The following NUMB variants were observed in gnomAD, a reference collection of about 807,000 sequenced individuals.
NUMB encodes NUMB endocytic adaptor protein.
In NUMB, 29 loss-of-function variants were observed where a neutral mutation model predicts 59.7. The observed-to-expected ratio is 0.49, with a 90% CI of 0.36 to 0.66. The LOEUF is 0.66. Among genes scored for constraint, NUMB ranks in the 30% least tolerant of loss-of-function variants. NUMB has a pLI of 0.00. For missense variants in NUMB, 723 were observed against 822.0 expected (o/e 0.88, Z 1.47); for synonymous variants, 288 against 288.2 (o/e 1.00, Z 0.01).
intron 1 of NUMB, among the ~76,000 whole-genome samples, chr14:73,438,388 T>C (rs1364428270): frequency 6.6e-6 from 1 of 152,152 alleles, no homozygotes; most frequent in Admixed American, 6.6e-5. Flanking sequence ...CCCAGCACTT[T>C]GGGAGGCCGA....
At chr14:73,439,903 T>C (rs1233505939) in intron 1 of NUMB, among the ~76,000 whole-genome samples, 8 of 152,166 alleles carry the variant, frequency 5.3e-5, no homozygotes, top group African/African-American at 1.4e-4. Flanking sequence ...GGATGCCCAG[T>C]AGGCAGAGAA....
At position 73,277,151 on chromosome 14, in the gene NUMB, AGCAGCTGAGGCCTGGG is replaced by A; in HGVS notation, c.1367_1382del (p.Pro456LeufsTer132). 6.2e-7 allele frequency: 1 copy of A among 1,613,860 alleles called. No homozygotes were observed. The highest frequency in any genetic ancestry group is 1.1e-5 in the South Asian group (1 of 91,070). ...GAGGCTGGAGAACTGGCTGCAGAGG[AGCAGCTGAGGCCTGGG>A]GCTGCTGAGCCCGGACGCTCTTAGA... On this transcript the variant is annotated frameshift_variant, in exon 13 of 13. Coordinates refer to ENST00000555238, the MANE Select transcript of NUMB (RefSeq NM_001005743.2). LOFTEE classifies it high-confidence loss of function.
intron 6 of NUMB, among the ~76,000 whole-genome samples, chr14:73,313,824 T>TTGAGA (rs992245586): frequency 6.8e-6 from 1 of 146,668 alleles, no homozygotes; most frequent in Non-Finnish European, 1.5e-5. Flanking sequence ...CTTTTTTTTT[T>TTGAGA]TGAGATGGAA....
intron 2 of NUMB, among the ~76,000 whole-genome samples, chr14:73,395,053 G>A (rs962863176): frequency 8.6e-5 from 11 of 128,650 alleles, no homozygotes; most frequent in East Asian, 3.9e-4. Flanking sequence ...GTGTGTGTGT[G>A]TGTGTGTGTG....
intron 6 of NUMB, among the ~76,000 whole-genome samples, chr14:73,314,129 A>T (rs1031219787): frequency 4.6e-5 from 7 of 152,230 alleles, no homozygotes; most frequent in African/African-American, 1.7e-4. Context: ...TAAAAAAGAA[A>T]GTAAAAGTGA....
rs769897933 is a variant in NUMB at position 73,355,612 on chromosome 14, AC to A, written c.126+13del. ...CTTTTCCACATACAGACTTATAGAA[AC>A]ATCAGCTCTTACCTTAACCGGGAAG... On this transcript the variant is annotated intron_variant, in intron 4 of 12. Transcript: ENST00000555238. 3.1e-6 allele frequency: 5 copies of A among 1,606,092 alleles called. No homozygotes were observed. In the African/African-American group the frequency reaches 6.7e-5, roughly 22 times the overall value.
chr14:73,322,368 C>T (rs544871285), intron 5 of NUMB, among the ~76,000 whole-genome samples: 9 of 152,296 alleles, frequency 5.9e-5, no homozygotes, highest in Middle Eastern at 3.4e-3. Flanking sequence ...TGTGTTCTAT[C>T]GCATAACAGG....
chr14:73,443,614 T>G (rs923665294), intron 1 of NUMB, among the ~76,000 whole-genome samples: 15 of 142,770 alleles, frequency 1.1e-4, no homozygotes, highest in Non-Finnish European at 1.8e-4. Flanking sequence ...AAAAAAAAAG[T>G]AGAAAAAACA....
intron 1 of NUMB, among the ~76,000 whole-genome samples, chr14:73,413,332 G>A (rs942278809): frequency 6.0e-5 from 9 of 150,412 alleles, no homozygotes; most frequent in Admixed American, 2.0e-4. Flanking sequence ...TGATCCACCC[G>A]CCTCGGCCTT....
At chr14:73,305,035 G>A (rs1890348044) in intron 6 of NUMB, among the ~76,000 whole-genome samples, 1 of 152,144 alleles carries the variant, frequency 6.6e-6, no homozygotes, top group African/African-American at 2.4e-5. Context: ...CCAAAATGCT[G>A]GGATTACAGG....
intron 10 of NUMB, among the ~76,000 whole-genome samples, chr14:73,283,493 G>A (rs1393844600): frequency 6.6e-6 from 1 of 152,212 alleles, no homozygotes; most frequent in African/African-American, 2.4e-5. Context: ...TAGACCTATA[G>A]AGGCTGGCAT....
At chr14:73,401,412 A>T (rs1297185286) in intron 2 of NUMB, among the ~76,000 whole-genome samples, 2 of 152,104 alleles carry the variant, frequency 1.3e-5, no homozygotes, top group Non-Finnish European at 2.9e-5. Flanking sequence ...TAACAAAAAA[A>T]AAAACAGGGG....
At chr14:73,431,957 G>C (rs1009740339) in intron 1 of NUMB, among the ~76,000 whole-genome samples, 1 of 151,696 alleles carries the variant, frequency 6.6e-6, no homozygotes, top group African/African-American at 2.4e-5. Flanking sequence ...AAATTCCAAA[G>C]TAATTTAATT....
chr14:73,318,631 C>T (rs2139910003), intron 5 of NUMB, among the ~76,000 whole-genome samples: 1 of 152,300 alleles, frequency 6.6e-6, no homozygotes, highest in African/African-American at 2.4e-5. Context: ...CACCCTGTAG[C>T]TGATATGCCA....
intron 6 of NUMB, among the ~76,000 whole-genome samples, chr14:73,305,949 T>C (rs1206458580): frequency 6.6e-6 from 1 of 152,062 alleles, no homozygotes; most frequent in Non-Finnish European, 1.5e-5. Context: ...CATTGCTTTT[T>C]AAATCAGAAA....
At chr14:73,361,305 C>G (rs972461636) in intron 3 of NUMB, among the ~76,000 whole-genome samples, 1 of 152,140 alleles carries the variant, frequency 6.6e-6, no homozygotes, top group African/African-American at 2.4e-5. Context: ...TGGCTTCTGT[C>G]CTTTCTATCC....
chr14:73,438,560 G>A (rs1169365652), intron 1 of NUMB, among the ~76,000 whole-genome samples: 1 of 150,836 alleles, frequency 6.6e-6, no homozygotes, highest in Non-Finnish European at 1.5e-5. Flanking sequence ...GACCCCGGGA[G>A]GCAGAGATTA....
intron 4 of NUMB, among the ~76,000 whole-genome samples, chr14:73,326,774 T>G (rs1891684915): frequency 6.6e-6 from 1 of 152,238 alleles, no homozygotes; most frequent in African/African-American, 2.4e-5. Flanking sequence ...CATTTACTGA[T>G]TACCTACTGT....
intron 6 of NUMB, among the ~76,000 whole-genome samples, chr14:73,312,399 A>C (rs1411532892): frequency 6.6e-6 from 1 of 151,866 alleles, no homozygotes; most frequent in Non-Finnish European, 1.5e-5. Context: ...ACAACAACAA[A>C]AAGTAGGCAT....
Sources: gnomAD v4.1 joint callset for allele counts (sites outside exome capture counted in the v4.1 genomes callset) on GRCh38, gnomAD v4.1.1 for gene constraint, MANE v1.5 for transcripts, NCBI Gene and HGNC (gene_info 2026-07-23, HGNC 2026-07-21) for gene names.